The following CDH13 variants were observed in gnomAD, a reference collection of about 807,000 sequenced individuals.
CDH13 encodes cadherin-13.
CDH13 carries 24 observed loss-of-function variants against 63.8 expected under a neutral mutation model. That is an observed-to-expected ratio of 0.38 (90% confidence interval 0.27 to 0.53). The LOEUF is 0.53. CDH13 is among the 20% of genes least tolerant of loss of function. The pLI is 0.85. For missense variants in CDH13, 1,049 were observed against 903.1 expected, an observed-to-expected ratio of 1.16 and a Z score of -2.07; for synonymous variants, 503 against 355.3, an observed-to-expected ratio of 1.42 and a Z score of -4.67.
chr16:82,781,927 A>C (rs1425406270), intron 1 of CDH13, among the ~76,000 whole-genome samples: 1 of 152,208 alleles, frequency 6.6e-6, no homozygotes. Flanking sequence ...ACTCTAAAGA[A>C]AGAATGGTTT....
At chr16:83,651,874 C>T (rs1476681357) in intron 8 of CDH13, among the ~76,000 whole-genome samples, 3 of 152,154 alleles carry the variant, frequency 2.0e-5, no homozygotes, top group African/African-American at 4.8e-5. Flanking sequence ...GAATTACAGG[C>T]GTGAGCCACC....
chr16:83,339,467 G>C (rs989765916), intron 5 of CDH13, among the ~76,000 whole-genome samples: 5 of 152,140 alleles, frequency 3.3e-5, no homozygotes, highest in African/African-American at 1.2e-4. Context: ...TTCAGACTCA[G>C]TACCAGCTTT....
intron 7 of CDH13, among the ~76,000 whole-genome samples, chr16:83,544,378 G>T (rs1702416937): frequency 6.6e-6 from 1 of 151,782 alleles, no homozygotes; most frequent in Non-Finnish European, 1.5e-5. Context: ...ACTTACGATG[G>T]GTTTATGACC....
chr16:82,643,302 C>T (rs934281547), intron 1 of CDH13, among the ~76,000 whole-genome samples: 10 of 152,236 alleles, frequency 6.6e-5, no homozygotes, highest in Non-Finnish European at 1.3e-4. Flanking sequence ...CATGAGCACA[C>T]ACCACCTGTC....
chr16:82,886,693 G>A (rs2040898700), intron 2 of CDH13, among the ~76,000 whole-genome samples: 1 of 151,968 alleles, frequency 6.6e-6, no homozygotes. Flanking sequence ...TCCATGCACT[G>A]TTCTAAGCCT....
intron 1 of CDH13, among the ~76,000 whole-genome samples, chr16:82,840,549 G>A (rs187055188): frequency 1.9e-4 from 29 of 151,962 alleles, no homozygotes; most frequent in African/African-American, 6.5e-4. Context: ...GCCAGGTATG[G>A]TGGCACGTGC....
chr16:83,599,914 G>C (rs1223421116), intron 7 of CDH13, among the ~76,000 whole-genome samples: 1 of 152,182 alleles, frequency 6.6e-6, no homozygotes, highest in East Asian at 1.9e-4. Flanking sequence ...ACTCGGGAAA[G>C]ATTTTAAAGG....
chr16:83,107,485 C>T (rs374735569), intron 3 of CDH13, among the ~76,000 whole-genome samples: 1 of 152,196 alleles, frequency 6.6e-6, no homozygotes, highest in South Asian at 2.1e-4. Context: ...ACCAATGCAG[C>T]CTTCTTTCCA....
chr16:83,414,726 A>G (rs1037792094), intron 6 of CDH13, among the ~76,000 whole-genome samples: 2 of 152,184 alleles, frequency 1.3e-5, no homozygotes, highest in African/African-American at 2.4e-5. Flanking sequence ...AGATTCATCC[A>G]TGTTGTTGCA....
chr16:83,191,937 A>C (rs938580120), intron 4 of CDH13, among the ~76,000 whole-genome samples: 3 of 152,100 alleles, frequency 2.0e-5, no homozygotes, highest in African/African-American at 7.2e-5. Context: ...CCTTCAGTCC[A>C]ATCAAGTTGA....
At chr16:83,439,164 G>T (rs2072410468) in intron 6 of CDH13, among the ~76,000 whole-genome samples, 1 of 152,120 alleles carries the variant, frequency 6.6e-6, no homozygotes, top group Non-Finnish European at 1.5e-5. Flanking sequence ...AGTAATAATA[G>T]TAATACCTAT....
At chr16:83,631,840 A>C (rs28417772) in intron 8 of CDH13, among the ~76,000 whole-genome samples, 58,557 of 152,060 alleles carry the variant, frequency 0.39, 11,637 homozygotes, top group Middle Eastern at 0.45. Flanking sequence ...AAGGGGCCCT[A>C]GGCAGTTTCT....
chr16:83,738,259 G>A (rs568793792), intron 10 of CDH13, among the ~76,000 whole-genome samples: 8 of 152,130 alleles, frequency 5.3e-5, no homozygotes, highest in African/African-American at 7.2e-5. Flanking sequence ...CACCAAGCGC[G>A]GTGCCTGGCA....
chr16:83,167,521 A>G lies in CDH13; in HGVS notation c.483+42020A>G, dbSNP rs1487993495. Among the ~76,000 whole-genome samples, 4 of 135,110 alleles carry G rather than the reference A, an allele frequency of 3.0e-5. No homozygotes were observed. The South Asian group carries it at 7.3e-4, about 25-fold the overall frequency. 88.6% of individuals were successfully genotyped at this position (135,110 alleles called of 152,430 possible). ...TCCCAAAAAAAAAAAAAAAAAAAAA[A>G]GCATTACAAGTTGGAGTAGCCTGGG... On this transcript the variant is annotated intron_variant, in intron 4 of 13. Transcript: ENST00000567109.
At chr16:83,124,570 A>G (rs1396445143) in intron 3 of CDH13, among the ~76,000 whole-genome samples, 3 of 150,034 alleles carry the variant, frequency 2.0e-5, no homozygotes, top group Non-Finnish European at 4.4e-5. Context: ...GGACTAGGCC[A>G]TAAATCCTTT....
chr16:83,052,888 G>C (rs1388186802), intron 3 of CDH13, among the ~76,000 whole-genome samples: 6 of 151,914 alleles, frequency 3.9e-5, no homozygotes, highest in African/African-American at 1.5e-4. Context: ...ATAAAGCGGT[G>C]ATTGGGAAAG....
At position 83,718,748 on chromosome 16, in the gene CDH13, G is replaced by A. The variant is rs180877286; in HGVS notation, c.1539-29360G>A. 3.9e-5 allele frequency among the ~76,000 whole-genome samples: 6 copies of A among 152,288 alleles called. No homozygotes were observed. In the East Asian group the frequency reaches 1.2e-3, roughly 29 times the overall value. ...CTCTTGTTTTTTCAGGGTCTTATCA[G>A]CCCCTAGCTTCTGCAGCTATTTCAA... On this transcript the variant is annotated intron_variant, in intron 10 of 13. Coordinates refer to ENST00000567109, the MANE Select transcript of CDH13 (RefSeq NM_001257.5).
intron 1 of CDH13, among the ~76,000 whole-genome samples, chr16:82,716,176 C>T (rs1448061942): frequency 6.6e-6 from 1 of 152,170 alleles, no homozygotes; most frequent in Non-Finnish European, 1.5e-5. Context: ...CCCGAGGAGC[C>T]TGGAAAAGAC....
intron 5 of CDH13, among the ~76,000 whole-genome samples, chr16:83,322,331 A>G (rs1280306700): frequency 2.6e-5 from 4 of 152,204 alleles, no homozygotes; most frequent in African/African-American, 9.6e-5. Flanking sequence ...TTCAGTGGTT[A>G]TGGAGCAGCC....
Sources: gnomAD v4.1 joint callset for allele counts (sites outside exome capture counted in the v4.1 genomes callset) on GRCh38, gnomAD v4.1.1 for gene constraint, MANE v1.5 for transcripts, NCBI Gene and HGNC (gene_info 2026-07-23, HGNC 2026-07-21) for gene names.